Variants in COL23A1 observed in about 807,000 individuals in gnomAD.
The protein encoded by COL23A1 is collagen alpha-1(XXIII) chain.
Under a neutral mutation model 99.3 loss-of-function variants are expected in COL23A1, and 97 were observed. The ratio of observed to expected loss-of-function variants is 0.98; its 90% CI spans 0.83 to 1.16. The LOEUF (loss-of-function observed/expected upper bound fraction) is 1.16, where lower values mean the gene tolerates loss of function less well. COL23A1 is among the 50% of genes most tolerant of loss of function. The pLI is 0.00. For synonymous variants in COL23A1, 320 were observed against 308.2 expected (o/e 1.04, Z -0.40); for missense variants, 762 against 757.4 (o/e 1.01, Z -0.07).
chr5:178,560,690 C>A lies in COL23A1; in HGVS notation c.353G>T (p.Cys118Phe), dbSNP rs951062108. 2 of 1,612,356 alleles carry A rather than the reference C, an allele frequency of 1.2e-6. No individual in the cohort carries two copies. Among genetic ancestry groups the A allele is most frequent in the East Asian group, 2.2e-5 (1 of 44,810 alleles). The change falls in exon 2 of 29, where the codon TGC (cysteine) becomes TTC (phenylalanine). Residue 118 changes from cysteine to phenylalanine, a missense_variant. Physicochemically the swap from Cys to Phe is radical, Grantham distance 205 (BLOSUM62 -2). Transcript: ENST00000390654. ...TAREAPSECV[C>F]PPGPPGRRGK... The stretch of plus-strand genomic sequence containing the variant: ...GCTCAACCTTCACTTACCTGGGGGG[C>A]AGACACATTCGGATGGAGCTTCCCG...
At chr5:178,319,060 C>T (rs1759138055) in intron 2 of COL23A1, among the ~76,000 whole-genome samples, 1 of 152,110 alleles carries the variant, frequency 6.6e-6, no homozygotes, top group African/African-American at 2.4e-5. Context: ...GCGGCAGGTA[C>T]AGCCATGGTG....
At chr5:178,555,628 T>G (rs751943663) in intron 2 of COL23A1, among the ~76,000 whole-genome samples, 12 of 152,188 alleles carry the variant, frequency 7.9e-5, no homozygotes, top group Admixed American at 1.3e-4. Context: ...CTAATTAATG[T>G]TCTGATGCTT....
Position 178,263,262 on chromosome 5 carries a change from C to G in COL23A1, c.585G>C (p.Arg195=). The part of the protein sequence containing the change: ...PPGPPGPPGA[R]GPPGDTGKDG... ...CTTTCCCAGTGTCGCCAGGAGGGCC[C>G]CGGGCCCCAGGAGGTCCAGGGGGCC... Residue 195 remains arginine (R), a synonymous_variant, in exon 9 of 29, where the codon CGG becomes CGC. Coordinates refer to ENST00000390654, the MANE Select transcript of COL23A1 (RefSeq NM_173465.4). The G allele has an allele frequency of 6.2e-7, 1 of 1,613,360 alleles. No homozygotes were observed. Among genetic ancestry groups the G allele is most frequent in the Non-Finnish European group, 8.5e-7 (1 of 1,179,790 alleles).
At chr5:178,510,478 T>G (rs574817952) in intron 2 of COL23A1, among the ~76,000 whole-genome samples, 3 of 151,980 alleles carry the variant, frequency 2.0e-5, no homozygotes, top group Non-Finnish European at 2.9e-5. Context: ...GAGGCGGAGG[T>G]TGCAGTGAGC....
intron 3 of COL23A1, among the ~76,000 whole-genome samples, chr5:178,305,330 G>C (rs1256992368): frequency 2.0e-5 from 3 of 152,154 alleles, no homozygotes; most frequent in Non-Finnish European, 4.4e-5. Flanking sequence ...GTGGAACAAG[G>C]AGGCAGAAAG....
chr5:178,420,481 G>C (rs970534795), intron 2 of COL23A1, among the ~76,000 whole-genome samples: 7 of 48,710 alleles, frequency 1.4e-4, no homozygotes, highest in African/African-American at 6.1e-4. Flanking sequence ...CCCCTCCCCC[G>C]CTCTTTCCTC....
In COL23A1 at chr5:178,238,554, TG is replaced by T. The variant is rs1764227090; in HGVS notation, c.*143del. 6.3e-6 allele frequency: 7 copies of T among 1,117,090 alleles called. No homozygotes were observed. Among genetic ancestry groups the T allele is most frequent in the Non-Finnish European group, 9.2e-6 (7 of 758,532 alleles). 69.2% of individuals were successfully genotyped at this position (1,117,090 alleles called of 1,614,324 possible). A position where few individuals can be genotyped will look rare whatever the true frequency, so the allele number is the denominator to read the frequency against. ...CGGCAGCTTCACATGCCGGTGGCTT[TG>T]GGGCTGGGTGGGCATACTCTTGAAT... On this transcript the variant is annotated 3_prime_UTR_variant, in exon 29 of 29. Transcript: ENST00000390654.
intron 2 of COL23A1, among the ~76,000 whole-genome samples, chr5:178,341,581 C>A (rs1026936029): frequency 2.6e-5 from 4 of 152,218 alleles, no homozygotes; most frequent in African/African-American, 9.6e-5. Context: ...ATGGCTCTGC[C>A]TTGGGCTTTG....
At chr5:178,344,454 T>G (rs1362169429) in intron 2 of COL23A1, among the ~76,000 whole-genome samples, 4 of 152,128 alleles carry the variant, frequency 2.6e-5, no homozygotes. Flanking sequence ...TTGACCAATA[T>G]GGTGAAACCC....
chr5:178,520,742 T>C (rs1297665077), intron 2 of COL23A1, among the ~76,000 whole-genome samples: 1 of 152,196 alleles, frequency 6.6e-6, no homozygotes, highest in Admixed American at 6.5e-5. Context: ...CTTCCTACCA[T>C]GCTGGTGAGG....
chr5:178,583,318 C>CA (rs1189789886), intron 1 of COL23A1, among the ~76,000 whole-genome samples: 1 of 152,202 alleles, frequency 6.6e-6, no homozygotes, highest in African/African-American at 2.4e-5. Context: ...AACACAGCTC[C>CA]AGCTTAGAGC....
intron 2 of COL23A1, among the ~76,000 whole-genome samples, chr5:178,507,250 G>A (rs948626485): frequency 6.6e-6 from 1 of 152,128 alleles, no homozygotes; most frequent in African/African-American, 2.4e-5. Flanking sequence ...CCTCCTCATT[G>A]CCTCTTACAG....
rs1561820269 is a variant in COL23A1, at chr5:178,280,215, A to G, written c.441+8109T>C. ...TGCGCTGGACTCCCGCCCTCGGGCC[A>G]CAGCCTGGGCGATCAGCCAGGACGC... On this transcript the variant is annotated intron_variant, in intron 5 of 28. Transcript: ENST00000390654. The surrounding 1 kb of genome is among the most constrained non-coding windows in gnomAD (Gnocchi z 4.9). Among the ~76,000 whole-genome samples the G allele has an allele frequency of 6.6e-6, 1 of 152,236 alleles. No individual in the cohort carries two copies. The highest frequency in any genetic ancestry group is 1.5e-5 in the Non-Finnish European group (1 of 68,040).
chr5:178,400,548 T>TA (rs1480862115), intron 2 of COL23A1, among the ~76,000 whole-genome samples: 2 of 152,164 alleles, frequency 1.3e-5, no homozygotes, highest in Non-Finnish European at 2.9e-5. Flanking sequence ...AAGATAGACA[T>TA]AACATAAAAG....
intron 2 of COL23A1, among the ~76,000 whole-genome samples, chr5:178,322,329 T>G (rs1352061574): frequency 6.6e-6 from 1 of 152,172 alleles, no homozygotes; most frequent in Non-Finnish European, 1.5e-5. Context: ...GAGACGGGGT[T>G]TCGCCATGTT....
At chr5:178,399,542 T>C (rs1764325521) in intron 2 of COL23A1, among the ~76,000 whole-genome samples, 1 of 152,188 alleles carries the variant, frequency 6.6e-6, no homozygotes, top group African/African-American at 2.4e-5. Context: ...GACGGCAGGC[T>C]GTCAACACAA....
intron 1 of COL23A1, chr5:178,562,736 T>TGGTGG (rs1554197569): frequency 9.4e-6 from 1 of 106,826 alleles, no homozygotes; most frequent in African/African-American, 4.9e-5. Flanking sequence ...TGGCTGGTGG[T>TGGTGG]GGGGGGGGTG....
At chr5:178,452,626 A>G (rs1236616263) in intron 2 of COL23A1, among the ~76,000 whole-genome samples, 1 of 152,238 alleles carries the variant, frequency 6.6e-6, no homozygotes, top group Non-Finnish European at 1.5e-5. Flanking sequence ...AGGAGTGCCG[A>G]CAAATTGCTT....
At chr5:178,267,664 T>G (rs1189776396) in intron 7 of COL23A1, among the ~76,000 whole-genome samples, 3 of 152,114 alleles carry the variant, frequency 2.0e-5, no homozygotes, top group Non-Finnish European at 4.4e-5. Flanking sequence ...GGGACGGTAA[T>G]GAGTAAATGT....
Sources: gnomAD v4.1 joint callset for allele counts (sites outside exome capture counted in the v4.1 genomes callset) on GRCh38, gnomAD v4.1.1 for gene constraint, Gnocchi (gnomAD v3.1) non-coding constraint, MANE v1.5 for transcripts, NCBI Gene and HGNC (gene_info 2026-07-23, HGNC 2026-07-21) for gene names.